The following BCL7B variants were observed in gnomAD, a reference collection of about 807,000 sequenced individuals.
BCL7B encodes B-cell CLL/lymphoma 7 protein family member B.
A neutral mutation model predicts 26.5 loss-of-function variants in BCL7B; 11 were observed. That is an observed-to-expected ratio of 0.42 (90% confidence interval 0.26 to 0.69). The LOEUF (loss-of-function observed/expected upper bound fraction) is 0.69. Ranked by LOEUF, BCL7B falls within the 30% of genes least tolerant of loss-of-function variation. BCL7B has a pLI of 0.28. For missense variants in BCL7B, 215 were observed against 264.4 expected (o/e 0.81, Z 1.30); for synonymous variants, 111 against 107.9 (o/e 1.03, Z -0.18).
At chr7:73,552,092 CAAAAAA>C in intron 2 of BCL7B, 69 bp downstream of exon 2, 4 of 1,022,172 alleles carry the variant, frequency 3.9e-6, no homozygotes, top group African/African-American at 2.3e-5. Context: ...GACTCCGTCC[CAAAAAA>C]AAAAAAAAAG....
chr7:73,552,148 G>T lies in BCL7B; in HGVS notation c.168+19C>A, dbSNP rs782598612. The T allele has an allele frequency of 9.1e-6, 14 of 1,531,858 alleles. No individual in the cohort carries two copies. Among genetic ancestry groups the T allele is most frequent in the East Asian group, 2.3e-5 (1 of 44,278 alleles). The allele number at this position is 1,531,858 out of a possible 1,614,324, so 94.9% of individuals were successfully genotyped here. The stretch of plus-strand genomic sequence containing the variant: ...AGAAATAAAGAAAATGGTATCTTTT[G>T]ATTTTCTTCCACACTTACCTCCTTG... On this transcript the variant is annotated intron_variant, in intron 2 of 5. Transcript: ENST00000223368.
chr7:73,557,303 T>C (rs1437974552), intron 1 of BCL7B, 184 bp downstream of exon 1: 6 of 1,160,574 alleles, frequency 5.2e-6, no homozygotes, highest in African/African-American at 1.6e-5. Flanking sequence ...GGAGGACCGC[T>C]GATTGGCCGC....
chr7:73,543,340 C>T (rs782598990), intron 3 of BCL7B, among the ~76,000 whole-genome samples: 6 of 152,056 alleles, frequency 3.9e-5, no homozygotes, highest in Non-Finnish European at 7.4e-5. Context: ...CCACGCTCAG[C>T]TAACTTTTTG....
chr7:73,543,718 G>T, intron 2 of BCL7B, 74 bp from the exon 3 acceptor site: 1 of 1,206,044 alleles, frequency 8.3e-7, no homozygotes, highest in Non-Finnish European at 1.2e-6. Flanking sequence ...GGTGCTATGT[G>T]ACAGACCACA....
At chr7:73,550,044 C>A (rs1360372573) in intron 2 of BCL7B, among the ~76,000 whole-genome samples, 4 of 152,134 alleles carry the variant, frequency 2.6e-5, no homozygotes, top group African/African-American at 7.2e-5. Context: ...TATTCATACA[C>A]TGTACATTTA....
chr7:73,547,570 A>T (rs1324948308), intron 2 of BCL7B, among the ~76,000 whole-genome samples: 1 of 152,174 alleles, frequency 6.6e-6, no homozygotes, highest in Admixed American at 6.5e-5. Flanking sequence ...ACCTACAAAG[A>T]CTCAAGCATG....
At chr7:73,557,107 G>T in intron 1 of BCL7B, 2 of 993,366 alleles carry the variant, frequency 2.0e-6, no homozygotes, top group Non-Finnish European at 2.4e-6. Flanking sequence ...AGGGCTACTC[G>T]CTATTATCAA....
rs530298094 is a variant in BCL7B at position 73,537,033 on chromosome 7, G to A, written c.*265C>T. 8 of 375,460 alleles carry A rather than the reference G, an allele frequency of 2.1e-5. No homozygotes were observed. The highest frequency in any genetic ancestry group is 1.6e-4 in the African/African-American group (8 of 49,562). 23.3% of individuals were successfully genotyped at this position (375,460 alleles called of 1,614,324 possible). ...AGACTGCTGCCTGGAGGTCACAGATGAATCTTGGGGTGGCCGATGCTCCAG... is the reference window on the plus strand; with the variant it reads ...AGACTGCTGCCTGGAGGTCACAGATAAATCTTGGGGTGGCCGATGCTCCAG... On this transcript the variant is annotated 3_prime_UTR_variant, in exon 6 of 6. Coordinates refer to ENST00000223368, the MANE Select transcript of BCL7B (RefSeq NM_001707.4).
At chr7:73,557,051 C>T (rs1285482654) in intron 1 of BCL7B, 5 of 987,530 alleles carry the variant, frequency 5.1e-6, no homozygotes, top group Non-Finnish European at 6.0e-6. Context: ...CCAACTTCAA[C>T]GCCTGAATAC....
chr7:73,552,194 C>T lies in BCL7B; in HGVS notation c.141G>A (p.Lys47=). ...CCTTGCTGTCTGTCACAGGAACCCA[C>T]TTAAATATCCTCAGGGACGTGTCAC... ...TVGDTSLRIF[K]WVPVTDSKEK... is the part of the protein sequence containing the mutation. Residue 47 remains lysine (K), a synonymous_variant, in exon 2 of 6, where the codon AAG becomes AAA. Transcript: ENST00000223368. 6.2e-7 allele frequency: 1 copy of T among 1,610,580 alleles called. No individual in the cohort carries two copies. Among genetic ancestry groups the T allele is most frequent in the Non-Finnish European group, 8.5e-7 (1 of 1,179,086 alleles).
chr7:73,546,146 A>AG (rs1478850652), intron 2 of BCL7B, among the ~76,000 whole-genome samples: 1 of 151,236 alleles, frequency 6.6e-6, no homozygotes, highest in Non-Finnish European at 1.5e-5. Flanking sequence ...AAAAAAAAAA[A>AG]AAAGAAAGAA....
intron 2 of BCL7B, among the ~76,000 whole-genome samples, chr7:73,544,234 A>G (rs910578026): frequency 6.6e-6 from 1 of 152,042 alleles, no homozygotes; most frequent in Non-Finnish European, 1.5e-5. Flanking sequence ...CAGCCTGGCC[A>G]ACATTGTGAA....
At chr7:73,540,933 G>A (rs1227164912) in intron 3 of BCL7B, among the ~76,000 whole-genome samples, 8 of 150,882 alleles carry the variant, frequency 5.3e-5, no homozygotes, top group African/African-American at 2.0e-4. Flanking sequence ...GATCACTTGA[G>A]GTCAGAAGTT....
intron 1 of BCL7B, among the ~76,000 whole-genome samples, chr7:73,556,089 G>A (rs1554584684): frequency 2.0e-5 from 3 of 152,138 alleles, no homozygotes; most frequent in African/African-American, 7.2e-5. Context: ...AGGTGTACCT[G>A]TTCTTAGGTT....
At position 73,540,025 on chromosome 7, in the gene BCL7B, G is replaced by A. The variant is rs200995295; in HGVS notation, c.293C>T (p.Ser98Phe). The A allele has an allele frequency of 5.0e-6, 8 of 1,613,914 alleles. No homozygotes were observed. The highest frequency in any genetic ancestry group is 1.3e-5 in the African/African-American group (1 of 74,912). The change falls in exon 4 of 6, where the codon TCT becomes TTT. Residue 98 changes from serine (S) to phenylalanine (F), a missense_variant. Physicochemically the swap from Ser to Phe is radical, Grantham distance 155 (BLOSUM62 -2). Coordinates refer to ENST00000223368, the MANE Select transcript of BCL7B (RefSeq NM_001707.4). ...GTCCACCTTAAGCTGATAGACGTCA[G>A]ACACGGAACTCTGGTTGCTGTTTTC... ...QDENSNQSSV[S>F]DVYQLKVDSS...
rs1297010397 is a variant in BCL7B at position 73,536,367 on chromosome 7, T to TA, written c.*930dup. On this transcript the variant is annotated 3_prime_UTR_variant, in exon 6 of 6. Coordinates refer to ENST00000223368, the MANE Select transcript of BCL7B (RefSeq NM_001707.4). ...AGATACCAACAGGACATATTTCAAA[T>TA]AGTTTAATTTTAAAAATATTCTATT... 6.7e-6 allele frequency: 1 copy of TA among 149,260 alleles called. No individual in the cohort carries two copies. The highest frequency in any genetic ancestry group is 1.5e-5 in the Non-Finnish European group (1 of 67,512). 9.2% of individuals were successfully genotyped at this position (149,260 alleles called of 1,614,324 possible). A position where few individuals can be genotyped will look rare whatever the true frequency, so the allele number is the denominator to read the frequency against.
intron 1 of BCL7B, chr7:73,557,180 T>C: frequency 9.7e-7 from 1 of 1,026,174 alleles, no homozygotes; most frequent in Non-Finnish European, 1.2e-6. Flanking sequence ...GGCCCCGGGC[T>C]GGGCCGGGCG....
intron 1 of BCL7B, among the ~76,000 whole-genome samples, chr7:73,553,276 G>T (rs2115822252): frequency 6.6e-6 from 1 of 152,094 alleles, no homozygotes. Flanking sequence ...CCTTCCAAGG[G>T]GCAAACAATC....
chr7:73,539,607 A>G (rs1238480252), intron 4 of BCL7B: 1 of 396,084 alleles, frequency 2.5e-6, no homozygotes, highest in Non-Finnish European at 4.6e-6. Flanking sequence ...AAAAGAAGAC[A>G]ATAGCTGCCA....
Sources: allele counts gnomAD v4.1 joint callset (sites outside exome capture counted in the v4.1 genomes callset), GRCh38; gene constraint gnomAD v4.1.1; transcripts MANE v1.5; gene names NCBI Gene and HGNC (gene_info 2026-07-23, HGNC 2026-07-21).